STIMATE: variants seen among roughly 807,000 people sequenced by gnomAD.
The protein encoded by STIMATE is store-operated calcium entry regulator STIMATE.
Under a neutral mutation model 36.7 loss-of-function variants are expected in STIMATE, and 15 were observed. That is an observed-to-expected ratio of 0.41 (90% CI 0.27 to 0.63). The LOEUF (loss-of-function observed/expected upper bound fraction) is 0.63. Among genes scored for constraint, STIMATE ranks in the 20% least tolerant of loss-of-function variants. The pLI is 0.32. For missense variants in STIMATE, 305 were observed against 397.3 expected, an observed-to-expected ratio of 0.77 and a Z score of 1.98; for synonymous variants, 163 against 162.3, an observed-to-expected ratio of 1.00 and a Z score of -0.03.
At chr3:52,858,326 C>G (rs1701144356) in intron 1 of STIMATE, among the ~76,000 whole-genome samples, 1 of 152,128 alleles carries the variant, frequency 6.6e-6, no homozygotes, top group Non-Finnish European at 1.5e-5. Flanking sequence ...GAAGAATGAA[C>G]TAGTGTAACC....
rs941124176 is a variant in STIMATE at position 52,852,812 on chromosome 3, G to T, written c.210-114C>A. On this transcript the variant is annotated intron_variant, in intron 2 of 7. Coordinates refer to ENST00000355083, the MANE Select transcript of STIMATE (RefSeq NM_198563.5). Reference sequence around the variant, plus strand: ...AGCCACCCCAACCTTCCAATCACTGGTTATCTCTTCCTGGGGCCTTGAGCA... The same window carrying T: ...AGCCACCCCAACCTTCCAATCACTGTTTATCTCTTCCTGGGGCCTTGAGCA... 2.3e-6 allele frequency: 3 copies of T among 1,320,814 alleles called. No homozygotes were observed. In the Admixed American group the frequency reaches 6.9e-5, roughly 30 times the overall value. 81.8% of individuals were successfully genotyped at this position (1,320,814 alleles called of 1,614,324 possible).
At chr3:52,850,215 G>A (rs184214893) in intron 3 of STIMATE, among the ~76,000 whole-genome samples, 50 of 152,256 alleles carry the variant, frequency 3.3e-4, no homozygotes, top group African/African-American at 1.2e-3. Flanking sequence ...GGTGGATCAC[G>A]AGGTCAGGAG....
intron 1 of STIMATE, among the ~76,000 whole-genome samples, chr3:52,874,142 A>C (rs1378598047): frequency 6.6e-6 from 1 of 152,242 alleles, no homozygotes; most frequent in African/African-American, 2.4e-5. Context: ...TAAGAGTGGA[A>C]GATTTAGAAA....
rs143345107 is a variant in STIMATE at position 52,876,494 on chromosome 3, A to G, written c.160+20797T>C. ...CTTGAAGAACATGAGTTTGAACTGC[A>G]TGGGTCCACTTATACACGGATTTTC... On this transcript the variant is annotated intron_variant, in intron 1 of 7. Transcript: ENST00000355083. Among the ~76,000 whole-genome samples, 156 of 152,364 alleles carry G rather than the reference A, an allele frequency of 1.0e-3. 1 individual carries two copies. The highest frequency in any genetic ancestry group is 3.7e-3 in the African/African-American group (153 of 41,588).
chr3:52,878,027 G>A (rs1223531846), intron 1 of STIMATE, among the ~76,000 whole-genome samples: 3 of 151,746 alleles, frequency 2.0e-5, no homozygotes, highest in Non-Finnish European at 4.4e-5. Flanking sequence ...CCGGGAGGTG[G>A]AGCTTGCAGT....
intron 1 of STIMATE, among the ~76,000 whole-genome samples, chr3:52,878,621 CT>C (rs1701548224): frequency 6.6e-6 from 1 of 151,836 alleles, no homozygotes; most frequent in African/African-American, 2.4e-5. Context: ...ATGACAAAGA[CT>C]TTTCTCCCTG....
At chr3:52,878,495 TACC>T (rs1701539547) in intron 1 of STIMATE, among the ~76,000 whole-genome samples, 2 of 152,158 alleles carry the variant, frequency 1.3e-5, no homozygotes, top group South Asian at 4.1e-4. Context: ...GTCCCGGCTG[TACC>T]ACCTCTGCTC....
chr3:52,895,934 G>A (rs755114291), intron 1 of STIMATE: 1 of 1,289,814 alleles, frequency 7.8e-7, no homozygotes, highest in Admixed American at 2.3e-5. Flanking sequence ...GCGGATTTTG[G>A]CTAAGTTGTC....
chr3:52,840,296 T>A lies in STIMATE; in HGVS notation c.*198A>T. 1 of 555,512 alleles carries A rather than the reference T, an allele frequency of 1.8e-6. No individual in the cohort carries two copies. Among genetic ancestry groups the A allele is most frequent in the South Asian group, 2.5e-5 (1 of 39,736 alleles). 34.4% of individuals were successfully genotyped at this position (555,512 alleles called of 1,614,324 possible). On this transcript the variant is annotated 3_prime_UTR_variant, in exon 8 of 8. Transcript: ENST00000355083. ...CTGAATGGGGACCTCCAGCCGCCAG[T>A]GGCCCCCTCGGGCGCTGGCTCCTCT...
intron 2 of STIMATE, among the ~76,000 whole-genome samples, chr3:52,853,376 A>G (rs1701042468): frequency 6.6e-6 from 1 of 152,224 alleles, no homozygotes; most frequent in Non-Finnish European, 1.5e-5. Context: ...GAGAGGAGCT[A>G]ACCCCGACCC....
chr3:52,853,796 A>C (rs1324474438), intron 2 of STIMATE, among the ~76,000 whole-genome samples: 3 of 152,222 alleles, frequency 2.0e-5, no homozygotes, highest in Non-Finnish European at 4.4e-5. Context: ...CACGCTTAAT[A>C]ATTTTATCAC....
chr3:52,852,440 C>T (rs1701020915), intron 3 of STIMATE, among the ~76,000 whole-genome samples, 163 bp downstream of exon 3: 1 of 152,164 alleles, frequency 6.6e-6, no homozygotes, highest in African/African-American at 2.4e-5. Flanking sequence ...TAAGTGAGCT[C>T]CAGGACAGCA....
intron 1 of STIMATE, among the ~76,000 whole-genome samples, chr3:52,876,801 T>C (rs1333962745): frequency 6.6e-6 from 1 of 152,228 alleles, no homozygotes; most frequent in Non-Finnish European, 1.5e-5. Context: ...AGGCTTCTAG[T>C]CAACACTAGG....
chr3:52,840,712 T>C, intron 7 of STIMATE, 102 bp from the exon 8 acceptor site: 1 of 1,179,194 alleles, frequency 8.5e-7, no homozygotes, highest in Non-Finnish European at 1.2e-6. Context: ...TTTTTTTTTT[T>C]TTTTTTGGAC....
At chr3:52,879,980 A>G (rs1378932226) in intron 1 of STIMATE, among the ~76,000 whole-genome samples, 1 of 152,216 alleles carries the variant, frequency 6.6e-6, no homozygotes, top group African/African-American at 2.4e-5. Context: ...CTGGGGTTGT[A>G]TCACAATGAT....
At chr3:52,840,649 C>T in intron 7 of STIMATE, 39 bp from the exon 8 acceptor site, 2 of 1,587,728 alleles carry the variant, frequency 1.3e-6, no homozygotes, top group South Asian at 1.1e-5. Flanking sequence ...TCACCCCCAG[C>T]AGGGCCTTCT....
intron 1 of STIMATE, among the ~76,000 whole-genome samples, chr3:52,871,154 G>A (rs1348169554): frequency 6.6e-6 from 1 of 152,092 alleles, no homozygotes; most frequent in Non-Finnish European, 1.5e-5. Context: ...TCAAAACCAA[G>A]ATATTTTCAT....
At chr3:52,880,121 C>T (rs910491735) in intron 1 of STIMATE, among the ~76,000 whole-genome samples, 1 of 152,198 alleles carries the variant, frequency 6.6e-6, no homozygotes, top group Non-Finnish European at 1.5e-5. Context: ...TCAGAAAGGC[C>T]AAGCATAGTT....
At chr3:52,888,823 T>C (rs1193713442) in intron 1 of STIMATE, among the ~76,000 whole-genome samples, 1 of 152,206 alleles carries the variant, frequency 6.6e-6, no homozygotes, top group Admixed American at 6.5e-5. Flanking sequence ...GCATGAAAGT[T>C]GTTGATGCCC....
Sources: allele counts gnomAD v4.1 joint callset (sites outside exome capture counted in the v4.1 genomes callset), GRCh38; gene constraint gnomAD v4.1.1; transcripts MANE v1.5; gene names NCBI Gene and HGNC (gene_info 2026-07-23, HGNC 2026-07-21).